Variants in TAFA1 observed in about 807,000 individuals in gnomAD.
TAFA1 encodes chemokine-like protein TAFA-1.
Under a neutral mutation model 18.5 loss-of-function variants are expected in TAFA1, and 4 were observed. The ratio of observed to expected loss-of-function variants is 0.22; its 90% confidence interval spans 0.11 to 0.49. TAFA1 has a LOEUF of 0.49. TAFA1 is among the 20% of genes least tolerant of loss of function. The probability of loss-of-function intolerance (pLI) is 0.98; values close to 1 mark genes in which losing one functional copy is unlikely to be tolerated. For missense variants in TAFA1, 147 were observed against 169.0 expected (o/e 0.87, Z 0.72); for synonymous variants, 56 against 55.2 (o/e 1.01, Z -0.06).
intron 3 of TAFA1, among the ~76,000 whole-genome samples, chr3:68,515,619 A>G (rs2072909876): frequency 6.6e-6 from 1 of 152,242 alleles, no homozygotes; most frequent in Admixed American, 6.5e-5. Context: ...CAAGCCTCAT[A>G]TAATAATTCT....
At chr3:68,187,655 G>T (rs182821427) in intron 2 of TAFA1, among the ~76,000 whole-genome samples, 4 of 151,968 alleles carry the variant, frequency 2.6e-5, no homozygotes, top group African/African-American at 9.7e-5. Context: ...CATGTGTCAT[G>T]CATTTCTCTT....
chr3:68,008,871 T>A (rs923254167), intron 2 of TAFA1, among the ~76,000 whole-genome samples: 1 of 152,298 alleles, frequency 6.6e-6, no homozygotes, highest in South Asian at 2.1e-4. Flanking sequence ...TGACATAACC[T>A]TGGGCAACTG....
chr3:68,405,699 C>CCAA (rs1559655011), intron 2 of TAFA1, among the ~76,000 whole-genome samples: 10 of 32,848 alleles, frequency 3.0e-4, no homozygotes, highest in Non-Finnish European at 7.0e-4. Flanking sequence ...GACTCTATCT[C>CCAA]AAAAAAAAAA....
chr3:67,992,198 G>T, the TAFA1 span, among the ~76,000 whole-genome samples: 36 of 152,256 alleles, frequency 2.4e-4, no homozygotes, highest in South Asian at 7.5e-3. Flanking sequence ...CTGGGATCTT[G>T]GCTGTTTACA....
At chr3:68,063,258 A>T (rs2064629063) in intron 2 of TAFA1, among the ~76,000 whole-genome samples, 1 of 152,160 alleles carries the variant, frequency 6.6e-6, no homozygotes, top group South Asian at 2.1e-4. Context: ...GCGGGTGATG[A>T]GGGCTGGGAT....
At chr3:68,380,529 C>T (rs1430545080) in intron 2 of TAFA1, among the ~76,000 whole-genome samples, 1 of 152,126 alleles carries the variant, frequency 6.6e-6, no homozygotes, top group Non-Finnish European at 1.5e-5. Context: ...TGATGATGAG[C>T]ATTTTTTCAT....
intron 2 of TAFA1, among the ~76,000 whole-genome samples, chr3:68,046,824 C>G (rs1299593285): frequency 6.6e-6 from 1 of 152,112 alleles, no homozygotes; most frequent in African/African-American, 2.4e-5. Flanking sequence ...GCTCTAGATC[C>G]TGAATGGTAC....
chr3:68,520,624 A>G (rs977002085), intron 3 of TAFA1, among the ~76,000 whole-genome samples: 9 of 152,210 alleles, frequency 5.9e-5, no homozygotes, highest in African/African-American at 2.2e-4. Flanking sequence ...ACCCAACATT[A>G]CCACTGACAC....
intron 3 of TAFA1, among the ~76,000 whole-genome samples, chr3:68,444,671 T>A (rs2071442565): frequency 6.6e-6 from 1 of 151,640 alleles, no homozygotes; most frequent in Admixed American, 6.6e-5. Flanking sequence ...GTGGCTTATG[T>A]GTGTAATCTC....
chr3:68,222,597 A>G (rs78408016), intron 2 of TAFA1, among the ~76,000 whole-genome samples: 1 of 152,184 alleles, frequency 6.6e-6, no homozygotes, highest in East Asian at 1.9e-4. Flanking sequence ...CAGATTAAAC[A>G]TATTTTCTAA....
intron 2 of TAFA1, among the ~76,000 whole-genome samples, chr3:68,190,077 T>C (rs1313801484): frequency 6.6e-6 from 1 of 151,982 alleles, no homozygotes; most frequent in Non-Finnish European, 1.5e-5. Flanking sequence ...AAAGAACTGC[T>C]ATCAGTCATG....
At chr3:68,062,147 T>C (rs922236765) in intron 2 of TAFA1, among the ~76,000 whole-genome samples, 1 of 152,220 alleles carries the variant, frequency 6.6e-6, no homozygotes, top group Non-Finnish European at 1.5e-5. Flanking sequence ...CTTATTTTTG[T>C]GTAGACTAAG....
At chr3:68,504,377 G>T (rs1433790836) in intron 3 of TAFA1, among the ~76,000 whole-genome samples, 2 of 152,124 alleles carry the variant, frequency 1.3e-5, no homozygotes, top group African/African-American at 2.4e-5. Flanking sequence ...GTATGCATTT[G>T]CCTGCAACGG....
intron 3 of TAFA1, among the ~76,000 whole-genome samples, chr3:68,482,074 G>C (rs767857128): frequency 2.0e-5 from 3 of 152,172 alleles, no homozygotes; most frequent in African/African-American, 4.8e-5. Flanking sequence ...GCAGTGGCGC[G>C]ATCTTGACTC....
intron 2 of TAFA1, among the ~76,000 whole-genome samples, chr3:68,099,364 AAAG>A (rs1383750270): frequency 6.6e-6 from 1 of 152,218 alleles, no homozygotes; most frequent in African/African-American, 2.4e-5. Flanking sequence ...ACACTTCTCA[AAAG>A]AAGACATACA....
chr3:68,370,371 T>G (rs1408006199), intron 2 of TAFA1, among the ~76,000 whole-genome samples: 1 of 79,670 alleles, frequency 1.3e-5, no homozygotes, highest in African/African-American at 4.9e-5. Context: ...CACACACATA[T>G]ATATATACAC....
At chr3:68,381,271 A>G (rs1056800227) in intron 2 of TAFA1, among the ~76,000 whole-genome samples, 15 of 151,608 alleles carry the variant, frequency 9.9e-5, no homozygotes, top group Non-Finnish European at 1.8e-4. Context: ...TTGGTTCCAT[A>G]TGAACTTTAA....
At chr3:68,236,104 T>C (rs910952070) in intron 2 of TAFA1, among the ~76,000 whole-genome samples, 5 of 152,150 alleles carry the variant, frequency 3.3e-5, no homozygotes, top group Admixed American at 3.3e-4. Flanking sequence ...CCCACCTGGG[T>C]CACTCTACCT....
At chr3:68,041,920 G>T (rs1209183384) in intron 2 of TAFA1, among the ~76,000 whole-genome samples, 11 of 152,092 alleles carry the variant, frequency 7.2e-5, no homozygotes, top group Non-Finnish European at 1.6e-4. Context: ...GAAAATCATG[G>T]ACCTGGAGTA....
Sources: gnomAD v4.1 joint callset for allele counts (sites outside exome capture counted in the v4.1 genomes callset) on GRCh38, gnomAD v4.1.1 for gene constraint, MANE v1.5 for transcripts, NCBI Gene and HGNC (gene_info 2026-07-23, HGNC 2026-07-21) for gene names.